BACH2: variants seen among roughly 807,000 people sequenced by gnomAD.
The protein encoded by BACH2 is transcription regulator protein BACH2.
In BACH2, 5 loss-of-function variants were observed where a neutral mutation model predicts 61.8. The observed-to-expected ratio is 0.08, with a 90% CI of 0.04 to 0.17. The LOEUF (loss-of-function observed/expected upper bound fraction) is 0.17, where lower values mean the gene tolerates loss of function less well. Ranked by LOEUF, BACH2 falls within the 10% of genes least tolerant of loss-of-function variation. The pLI, the probability that BACH2 is intolerant of heterozygous loss-of-function variation, is 1.00. For synonymous variants in BACH2, 446 were observed against 440.1 expected (o/e 1.01, Z -0.17); for missense variants, 824 against 1,091.1 (o/e 0.76, Z 3.45).
At position 89,951,815 on chromosome 6, in the gene BACH2, G is replaced by A; in HGVS notation, c.291C>T (p.Ala97=). The change falls in exon 7 of 9, where the codon GCC becomes GCT. Residue 97 remains alanine, a synonymous_variant. Transcript: ENST00000257749. This position sits in a 1 kb window ranked among gnomAD's most constrained non-coding sequence, Gnocchi z 6.4. ...TGTTTTCTCTGCTGAGTAACAGCTTGGCAGTGTAGGCAAACTGTAACAGCG... is the reference window on the plus strand; with the variant it reads ...TGTTTTCTCTGCTGAGTAACAGCTTAGCAGTGTAGGCAAACTGTAACAGCG... The part of the protein sequence containing the change: ...FGPLLQFAYT[A]KLLLSRENIR... The A allele has an allele frequency of 6.2e-7, 1 of 1,614,126 alleles. No individual in the cohort carries two copies. Among genetic ancestry groups the A allele is most frequent in the Admixed American group, 1.7e-5 (1 of 60,028 alleles).
At chr6:90,222,767 C>A (rs1037828279) in intron 3 of BACH2, among the ~76,000 whole-genome samples, 3 of 152,160 alleles carry the variant, frequency 2.0e-5, no homozygotes, top group African/African-American at 7.2e-5. Context: ...TTTCAGTAAA[C>A]AACCCCCTCT....
At chr6:90,059,034 T>A (rs1780533346) in intron 5 of BACH2, among the ~76,000 whole-genome samples, 1 of 152,154 alleles carries the variant, frequency 6.6e-6, no homozygotes, top group Non-Finnish European at 1.5e-5. Flanking sequence ...GAAGAAAACT[T>A]AGGCATTACC....
In BACH2 at chr6:90,049,929, A is replaced by G. The variant is rs531020315; in HGVS notation, c.-13+39032T>C. Among the ~76,000 whole-genome samples the G allele has an allele frequency of 3.9e-5, 6 of 152,324 alleles. No individual in the cohort carries two copies. The South Asian group carries it at 6.2e-4, about 16-fold the overall frequency. The stretch of plus-strand genomic sequence containing the variant: ...TACTTGAAAGAATGACTGACAAACT[A>G]AGGTTACTCAGACTTGGGCATTTGG... On this transcript the variant is annotated intron_variant, in intron 5 of 8. Coordinates refer to ENST00000257749, the MANE Select transcript of BACH2 (RefSeq NM_021813.4).
chr6:90,118,649 GA>G (rs1405020383), intron 4 of BACH2, among the ~76,000 whole-genome samples: 3 of 152,194 alleles, frequency 2.0e-5, no homozygotes, highest in African/African-American at 7.2e-5. Context: ...TTTGATGAAT[GA>G]AAATGCCTTA....
chr6:90,236,608 G>A (rs1770267155), intron 3 of BACH2, among the ~76,000 whole-genome samples: 1 of 152,152 alleles, frequency 6.6e-6, no homozygotes, highest in Admixed American at 6.5e-5. Context: ...CAAGGGGCTG[G>A]CCATATGTGC....
chr6:90,249,428 C>A (rs1770735671), intron 3 of BACH2, among the ~76,000 whole-genome samples: 1 of 152,156 alleles, frequency 6.6e-6, no homozygotes, highest in African/African-American at 2.4e-5. Context: ...AACTACCTAA[C>A]AGCAATGTTT....
intron 4 of BACH2, among the ~76,000 whole-genome samples, chr6:90,168,952 T>C (rs560324516): frequency 1.3e-5 from 2 of 152,306 alleles, no homozygotes; most frequent in South Asian, 4.1e-4. Flanking sequence ...TCAAAAGGAA[T>C]GTAGTGTGAT....
intron 2 of BACH2, among the ~76,000 whole-genome samples, chr6:90,261,837 A>G (rs1771169726): frequency 6.6e-6 from 1 of 152,106 alleles, no homozygotes; most frequent in East Asian, 1.9e-4. Context: ...TGTAGTCTCA[A>G]TACTCATAAC....
At chr6:90,146,721 G>A (rs1433642185) in intron 4 of BACH2, among the ~76,000 whole-genome samples, 2 of 152,106 alleles carry the variant, frequency 1.3e-5, no homozygotes, top group African/African-American at 4.8e-5. Context: ...TGATCTCTTT[G>A]TTGTTTCTTA....
At chr6:90,214,497 C>G (rs150192042) in intron 3 of BACH2, among the ~76,000 whole-genome samples, 1,723 of 152,178 alleles carry the variant, frequency 0.011, 22 homozygotes, top group Non-Finnish European at 0.014. Flanking sequence ...GTTAAGGGGG[C>G]CAGCTATCTC....
At chr6:90,295,479 C>T (rs913994104) in intron 1 of BACH2, among the ~76,000 whole-genome samples, 2 of 152,216 alleles carry the variant, frequency 1.3e-5, no homozygotes, top group South Asian at 2.1e-4. Context: ...CCTAGGGTAG[C>T]CCGTGAGCGC....
chr6:89,999,582 C>T, intron 6 of BACH2, among the ~76,000 whole-genome samples: 2 of 151,882 alleles, frequency 1.3e-5, no homozygotes, highest in East Asian at 3.9e-4. Context: ...TGGTAAAGGC[C>T]CGGGTTCTAT....
At chr6:89,999,419 C>G (rs1206195862) in intron 6 of BACH2, among the ~76,000 whole-genome samples, 3 of 150,836 alleles carry the variant, frequency 2.0e-5, no homozygotes, top group Non-Finnish European at 4.4e-5. Flanking sequence ...ATACCCTTGG[C>G]TGACAGCCAT....
intron 4 of BACH2, among the ~76,000 whole-genome samples, chr6:90,166,044 C>A (rs1002387009): frequency 8.6e-5 from 13 of 151,834 alleles, no homozygotes; most frequent in South Asian, 6.2e-4. Flanking sequence ...GCAACAAAAG[C>A]CAAAATTGAC....
At chr6:90,005,268 G>A (rs1777347665) in intron 6 of BACH2, among the ~76,000 whole-genome samples, 1 of 152,152 alleles carries the variant, frequency 6.6e-6, no homozygotes, top group African/African-American at 2.4e-5. Context: ...CTCAGGCCTG[G>A]CTGTGCTGGC....
intron 4 of BACH2, chr6:90,104,320 ATACTT>A (rs2127813351): frequency 6.6e-6 from 1 of 152,364 alleles, no homozygotes; most frequent in African/African-American, 2.4e-5. Context: ...TTCAGGCAAA[ATACTT>A]TACTGAAACC....
chr6:90,186,495 A>G (rs144056826), intron 4 of BACH2, among the ~76,000 whole-genome samples: 303 of 152,332 alleles, frequency 2.0e-3, no homozygotes, highest in Non-Finnish European at 3.7e-3. Flanking sequence ...GAAGTTACAA[A>G]TGACTGTCAG....
chr6:90,236,182 G>A (rs1770254668), intron 3 of BACH2, among the ~76,000 whole-genome samples: 1 of 152,212 alleles, frequency 6.6e-6, no homozygotes, highest in Non-Finnish European at 1.5e-5. Flanking sequence ...AATCATATAA[G>A]AAACATTTAT....
chr6:90,204,965 G>C (rs1433021547), intron 4 of BACH2, among the ~76,000 whole-genome samples: 3 of 152,100 alleles, frequency 2.0e-5, no homozygotes, highest in Non-Finnish European at 4.4e-5. Context: ...AAAAACAATT[G>C]CTTGTTTTTT....
Sources: allele counts gnomAD v4.1 joint callset (sites outside exome capture counted in the v4.1 genomes callset), GRCh38; gene constraint gnomAD v4.1.1; non-coding constraint Gnocchi (gnomAD v3.1); transcripts MANE v1.5; gene names NCBI Gene and HGNC (gene_info 2026-07-23, HGNC 2026-07-21).